PCDH15: variants seen among roughly 807,000 people sequenced by gnomAD.
PCDH15 encodes the protein protocadherin-15.
Under a neutral mutation model 178.5 loss-of-function variants are expected in PCDH15, and 129 were observed. That is an observed-to-expected ratio of 0.72 (90% CI 0.63 to 0.84). The LOEUF (loss-of-function observed/expected upper bound fraction) is 0.84, where lower values mean the gene tolerates loss of function less well. Among genes scored for constraint, PCDH15 ranks in the 40% least tolerant of loss-of-function variants. The pLI, the probability that PCDH15 is intolerant of heterozygous loss-of-function variation, is 0.00. For synonymous variants in PCDH15, 800 were observed against 732.0 expected (o/e 1.09, Z -1.50); for missense variants, 2,230 against 2,099.9 (o/e 1.06, Z -1.21).
At chr10:55,602,238 C>A (rs1434677750) in intron 2 of PCDH15, among the ~76,000 whole-genome samples, 6 of 152,194 alleles carry the variant, frequency 3.9e-5, no homozygotes, top group Admixed American at 3.9e-4. Flanking sequence ...GAGGGTCCTA[C>A]GCCCACGGAG....
At chr10:54,199,767 A>G (rs1484083570) in intron 10 of PCDH15, among the ~76,000 whole-genome samples, 2 of 152,058 alleles carry the variant, frequency 1.3e-5, no homozygotes, top group Non-Finnish European at 2.9e-5. Flanking sequence ...ATAAGGTGGT[A>G]TTTTAAAAAT....
chr10:55,594,736 G>T (rs995156107), intron 2 of PCDH15, among the ~76,000 whole-genome samples: 1 of 151,948 alleles, frequency 6.6e-6, no homozygotes, highest in Non-Finnish European at 1.5e-5. Flanking sequence ...TTTCATACTC[G>T]ATGTTGAAAT....
chr10:54,234,085 AAG>A (rs2054355683), intron 9 of PCDH15, among the ~76,000 whole-genome samples: 2 of 151,222 alleles, frequency 1.3e-5, no homozygotes, highest in Admixed American at 6.6e-5. Context: ...AGGGAAAATT[AAG>A]AGTTTTGACA....
chr10:54,056,784 A>G (rs1400234675), intron 18 of PCDH15, among the ~76,000 whole-genome samples: 6 of 152,162 alleles, frequency 3.9e-5, no homozygotes, highest in Admixed American at 3.3e-4. Context: ...CCGAAGTCTT[A>G]TCTCAGACAC....
In PCDH15 at chr10:55,540,682, TAA is replaced by T. The variant is rs1319975897; in HGVS notation, c.-156+86941_-156+86942del. Among the ~76,000 whole-genome samples, 4 of 152,184 alleles carry T rather than the reference TAA, an allele frequency of 2.6e-5. No individual in the cohort carries two copies. In the East Asian group the frequency reaches 7.7e-4, roughly 29 times the overall value. On this transcript the variant is annotated intron_variant, in intron 2 of 5. Coordinates refer to the PCDH15 transcript ENST00000613346. Reference sequence around the variant, plus strand: ...AATTAAAGGACAGGCTTTCCTCGAATAACTAAATCCACAATTTTATTTCATAG... The same window carrying T: ...AATTAAAGGACAGGCTTTCCTCGAATCTAAATCCACAATTTTATTTCATAG...
At chr10:54,773,149 C>T (rs1287621037) in intron 1 of PCDH15, among the ~76,000 whole-genome samples, 1 of 152,092 alleles carries the variant, frequency 6.6e-6, no homozygotes, top group Non-Finnish European at 1.5e-5. Context: ...GGATGCTAGG[C>T]TTAATACCTA....
In PCDH15 at chr10:54,628,254, C is replaced by G. The variant is rs191420343; in HGVS notation, c.91+35918G>C. 3.9e-4 allele frequency among the ~76,000 whole-genome samples: 60 copies of G among 152,296 alleles called. 2 individuals carry two copies. The South Asian group carries it at 0.012, about 32-fold the overall frequency. On this transcript the variant is annotated intron_variant, in intron 2 of 37. Coordinates refer to ENST00000644397, the MANE Select transcript of PCDH15 (RefSeq NM_001384140.1). Reference sequence around the variant, plus strand: ...CTGAGTTACCATGCACGAGAAGAAGCAGGAAGATGTAGGTCCCCTGTTGGC... The same window carrying G: ...CTGAGTTACCATGCACGAGAAGAAGGAGGAAGATGTAGGTCCCCTGTTGGC...
intron 18 of PCDH15, among the ~76,000 whole-genome samples, chr10:54,044,441 A>G (rs920814389): frequency 6.6e-6 from 1 of 152,158 alleles, no homozygotes; most frequent in Admixed American, 6.6e-5. Context: ...CAATATAGAA[A>G]GGTGCAACAA....
chr10:54,797,036 G>T (rs889367400), intron 1 of PCDH15, among the ~76,000 whole-genome samples: 2 of 152,062 alleles, frequency 1.3e-5, no homozygotes, highest in African/African-American at 4.8e-5. Flanking sequence ...TTCATTAGCT[G>T]GGCTTCCTTT....
At chr10:55,087,452 A>G (rs994695951) in intron 2 of PCDH15, among the ~76,000 whole-genome samples, 2 of 152,216 alleles carry the variant, frequency 1.3e-5, no homozygotes, top group African/African-American at 4.8e-5. Flanking sequence ...TAGACATACC[A>G]GGTTGACAGG....
At chr10:54,814,527 C>A (rs1207355688) in intron 3 of PCDH15, among the ~76,000 whole-genome samples, 1 of 152,108 alleles carries the variant, frequency 6.6e-6, no homozygotes, top group Non-Finnish European at 1.5e-5. Context: ...TTCAGAGAAG[C>A]TAAATATCTT....
chr10:54,468,315 G>A (rs1232245844), intron 3 of PCDH15, among the ~76,000 whole-genome samples: 1 of 151,324 alleles, frequency 6.6e-6, no homozygotes. Context: ...TTTCCTCTTA[G>A]TATTGTTTTT....
In PCDH15 at chr10:53,822,390, GGACAAAAAA is replaced by G. The variant is rs397517467; in HGVS notation, c.4368-2169_4368-2161del. 4.5e-5 allele frequency: 71 copies of G among 1,569,528 alleles called. No homozygotes were observed. The African/African-American group carries it at 8.7e-4, about 19-fold the overall frequency. ...AGGGATAGAAGGAGGAGAGGGAGGA[GGACAAAAAA>G]GAGAAAAAGGAGAAATGTCAGGAGG... On this transcript the variant is annotated intron_variant, in intron 32 of 37. Transcript: ENST00000644397.
chr10:54,007,185 A>G (rs2092415853), intron 20 of PCDH15, among the ~76,000 whole-genome samples: 1 of 152,174 alleles, frequency 6.6e-6, no homozygotes, highest in Admixed American at 6.5e-5. Flanking sequence ...CGCAGACTCT[A>G]AGACCAGGTT....
At chr10:53,971,233 A>C (rs1220320772) in intron 21 of PCDH15, among the ~76,000 whole-genome samples, 1 of 152,214 alleles carries the variant, frequency 6.6e-6, no homozygotes, top group African/African-American at 2.4e-5. Context: ...GACAAAATTC[A>C]ACAGCCCTTC....
chr10:54,842,816 T>C (rs948509979), intron 3 of PCDH15, among the ~76,000 whole-genome samples: 1 of 151,978 alleles, frequency 6.6e-6, no homozygotes, highest in Non-Finnish European at 1.5e-5. Flanking sequence ...GAAAGTCTTA[T>C]GTTTTCTAGT....
chr10:53,817,858 A>C (rs1157186988), intron 34 of PCDH15, 137 bp downstream of exon 34: 1 of 392,694 alleles, frequency 2.5e-6, no homozygotes, highest in Non-Finnish European at 4.5e-6. Flanking sequence ...AAGAAAATAA[A>C]TAGCATAACA....
chr10:54,897,056 G>T (rs1012149516), intron 3 of PCDH15, among the ~76,000 whole-genome samples: 11 of 152,086 alleles, frequency 7.2e-5, no homozygotes, highest in Non-Finnish European at 1.5e-4. Flanking sequence ...CCATGGTCTT[G>T]CTCCTGTGGC....
chr10:54,723,555 T>C (rs929688087), intron 1 of PCDH15, among the ~76,000 whole-genome samples: 1 of 151,754 alleles, frequency 6.6e-6, no homozygotes, highest in Non-Finnish European at 1.5e-5. Flanking sequence ...TGGGTCTTAA[T>C]TAAACTAAAC....
Sources: allele counts gnomAD v4.1 joint callset (sites outside exome capture counted in the v4.1 genomes callset), GRCh38; gene constraint gnomAD v4.1.1; transcripts MANE v1.5; gene names NCBI Gene and HGNC (gene_info 2026-07-23, HGNC 2026-07-21).